The following GPC6 variants were observed in gnomAD, a reference collection of about 807,000 sequenced individuals.
The protein encoded by GPC6 is glypican-6.
A neutral mutation model predicts 55.2 loss-of-function variants in GPC6; 14 were observed. The ratio of observed to expected loss-of-function variants is 0.25; its 90% CI spans 0.17 to 0.40. The LOEUF (loss-of-function observed/expected upper bound fraction) is 0.40. GPC6 is among the 10% of genes least tolerant of loss of function. GPC6 has a pLI of 1.00. For synonymous variants in GPC6, 278 were observed against 259.6 expected (o/e 1.07, Z -0.68); for missense variants, 641 against 708.5 (o/e 0.90, Z 1.08).
intron 1 of GPC6, among the ~76,000 whole-genome samples, chr13:93,424,432 G>T (rs1036889333): frequency 9.2e-5 from 14 of 152,048 alleles, no homozygotes; most frequent in South Asian, 4.1e-4. Flanking sequence ...AACCCTTCTG[G>T]CAGCTGAGAC....
intron 7 of GPC6, among the ~76,000 whole-genome samples, chr13:94,397,787 A>C (rs1464436672): frequency 6.6e-6 from 1 of 152,210 alleles, no homozygotes; most frequent in Non-Finnish European, 1.5e-5. Context: ...GGGAGGAAAG[A>C]GTCATTAATG....
intron 1 of GPC6, among the ~76,000 whole-genome samples, chr13:93,539,122 A>C (rs963230892): frequency 3.9e-5 from 6 of 152,174 alleles, no homozygotes; most frequent in Non-Finnish European, 7.3e-5. Context: ...TAAAACACTT[A>C]GAGATTTTGA....
chr13:93,998,387 A>T lies in GPC6; in HGVS notation c.712-29342A>T, dbSNP rs1020018255. 2.0e-5 allele frequency among the ~76,000 whole-genome samples: 3 copies of T among 152,270 alleles called. 1 individual carries two copies. The highest frequency in any genetic ancestry group is 3.4e-3 in the Middle Eastern group (1 of 294). ...AAACATTCAACATTGGTTCTTGCAA[A>T]CCAATATGCACAAAACTCAAGCACA... is the stretch of plus-strand genomic sequence containing the variant. On this transcript the variant is annotated intron_variant, in intron 3 of 8. Transcript: ENST00000377047.
At chr13:93,607,126 T>C (rs960563847) in intron 2 of GPC6, among the ~76,000 whole-genome samples, 1 of 152,194 alleles carries the variant, frequency 6.6e-6, no homozygotes, top group African/African-American at 2.4e-5. Flanking sequence ...TATTAAGCCA[T>C]GTCTTCCATT....
chr13:93,313,291 AT>A (rs66814954), intron 1 of GPC6, among the ~76,000 whole-genome samples: 93,149 of 151,464 alleles, frequency 0.61, 28,953 homozygotes, highest in East Asian at 0.77. Context: ...AATGAGGTAA[AT>A]TTTTTTTTTC....
intron 4 of GPC6, among the ~76,000 whole-genome samples, chr13:94,207,320 T>G (rs1216283079): frequency 6.6e-6 from 1 of 152,166 alleles, no homozygotes; most frequent in African/African-American, 2.4e-5. Context: ...ATTAGCAACC[T>G]TGGGGATTAA....
intron 2 of GPC6, among the ~76,000 whole-genome samples, chr13:93,700,554 A>T (rs1448502836): frequency 2.0e-5 from 3 of 152,086 alleles, no homozygotes; most frequent in African/African-American, 7.2e-5. Flanking sequence ...TAAATGAGGA[A>T]AATATTGATT....
chr13:93,350,150 C>A (rs1027139312), intron 1 of GPC6, among the ~76,000 whole-genome samples: 1 of 152,038 alleles, frequency 6.6e-6, no homozygotes, highest in Non-Finnish European at 1.5e-5. Context: ...AAAATAAATT[C>A]TTGGCCAGAT....
At chr13:93,367,150 G>T (rs1240254409) in intron 1 of GPC6, among the ~76,000 whole-genome samples, 1 of 152,054 alleles carries the variant, frequency 6.6e-6, no homozygotes, top group African/African-American at 2.4e-5. Context: ...TGAAAAACAG[G>T]TGCACATTCA....
chr13:94,264,147 A>G lies in GPC6; in HGVS notation c.878-22202A>G, dbSNP rs577067932. 2.7e-4 allele frequency among the ~76,000 whole-genome samples: 41 copies of G among 152,322 alleles called. 1 individual carries two copies. The South Asian group carries it at 8.5e-3, about 32-fold the overall frequency. Reference sequence around the variant, plus strand: ...CATCTGCAGTGAAGAGATATCATCAATTCCTCCCTCTCTACCCCCTTGTTG... The same window carrying G: ...CATCTGCAGTGAAGAGATATCATCAGTTCCTCCCTCTCTACCCCCTTGTTG... On this transcript the variant is annotated intron_variant, in intron 4 of 8. Coordinates refer to ENST00000377047, the MANE Select transcript of GPC6 (RefSeq NM_005708.5).
At chr13:93,599,451 G>A (rs530364645) in intron 2 of GPC6, among the ~76,000 whole-genome samples, 3 of 152,204 alleles carry the variant, frequency 2.0e-5, no homozygotes, top group Non-Finnish European at 2.9e-5. Flanking sequence ...TTCAGGGCCC[G>A]TTGGAATTGA....
chr13:93,926,435 G>A (rs775517205), intron 3 of GPC6, among the ~76,000 whole-genome samples: 11 of 152,186 alleles, frequency 7.2e-5, no homozygotes, highest in Non-Finnish European at 1.2e-4. Context: ...ATGTTCTAAC[G>A]TCTCCCTAGG....
At chr13:93,316,524 T>C (rs1031464299) in intron 1 of GPC6, among the ~76,000 whole-genome samples, 80 of 152,160 alleles carry the variant, frequency 5.3e-4, no homozygotes, top group East Asian at 7.7e-4. Context: ...AAGTATGCTC[T>C]AGGGCATAAA....
intron 3 of GPC6, among the ~76,000 whole-genome samples, chr13:94,015,614 G>A (rs543946117): frequency 3.7e-4 from 56 of 152,026 alleles, no homozygotes; most frequent in Non-Finnish European, 5.9e-4. Context: ...TACCCCATAT[G>A]TTTCTTTCAT....
intron 4 of GPC6, among the ~76,000 whole-genome samples, chr13:94,090,218 A>G (rs1391659354): frequency 1.3e-5 from 2 of 152,112 alleles, no homozygotes; most frequent in African/African-American, 4.8e-5. Flanking sequence ...TGCCCTTTAT[A>G]AAACCATCAG....
chr13:94,070,847 G>A (rs141652346), intron 4 of GPC6, among the ~76,000 whole-genome samples: 57 of 152,296 alleles, frequency 3.7e-4, no homozygotes, highest in Non-Finnish European at 5.1e-4. Context: ...CCTCTAGTGC[G>A]TCTCAACAAT....
At chr13:93,493,463 C>T (rs1406408826) in intron 1 of GPC6, among the ~76,000 whole-genome samples, 1 of 107,886 alleles carries the variant, frequency 9.3e-6, no homozygotes, top group Non-Finnish European at 2.0e-5. Context: ...TTGATCCTTT[C>T]AAAAAACCAG....
intron 2 of GPC6, among the ~76,000 whole-genome samples, chr13:93,613,369 G>C (rs755612804): frequency 1.3e-5 from 2 of 152,198 alleles, no homozygotes; most frequent in Non-Finnish European, 2.9e-5. Context: ...TGGGCTCTGA[G>C]TATTGGACGT....
intron 4 of GPC6, among the ~76,000 whole-genome samples, chr13:94,253,404 T>C (rs1891415962): frequency 6.6e-6 from 1 of 152,164 alleles, no homozygotes; most frequent in South Asian, 2.1e-4. Context: ...TGCCCTGTAA[T>C]AATACTGCGT....
Sources: allele counts gnomAD v4.1 joint callset (sites outside exome capture counted in the v4.1 genomes callset), GRCh38; gene constraint gnomAD v4.1.1; transcripts MANE v1.5; gene names NCBI Gene and HGNC (gene_info 2026-07-23, HGNC 2026-07-21).